LTBP1: variants seen among roughly 807,000 people sequenced by gnomAD.
LTBP1 encodes latent transforming growth factor beta binding protein 1, also known as latent-transforming growth factor beta-binding protein 1.
Under a neutral mutation model 207.6 loss-of-function variants are expected in LTBP1, and 129 were observed. That is an observed-to-expected ratio of 0.62 (90% confidence interval 0.54 to 0.72). The LOEUF is 0.72. Ranked by LOEUF, LTBP1 falls within the 30% of genes least tolerant of loss-of-function variation. The pLI, the probability that LTBP1 is intolerant of heterozygous loss-of-function variation, is 0.00. For synonymous variants in LTBP1, 963 were observed against 833.7 expected, an observed-to-expected ratio of 1.16 and a Z score of -2.67; for missense variants, 2,281 against 2,217.2, an observed-to-expected ratio of 1.03 and a Z score of -0.58.
At chr2:33,154,815 C>T (rs2083830034) in intron 5 of LTBP1, among the ~76,000 whole-genome samples, 1 of 152,162 alleles carries the variant, frequency 6.6e-6, no homozygotes. Context: ...ATAATCCTAG[C>T]ACTTTGGGAG....
intron 9 of LTBP1, among the ~76,000 whole-genome samples, chr2:33,241,153 G>A (rs2092309485): frequency 6.6e-6 from 1 of 151,730 alleles, no homozygotes; most frequent in African/African-American, 2.4e-5. Context: ...CAGTTTTTCT[G>A]GAAGCTGTGA....
At chr2:33,126,414 A>G (rs989004234) in intron 4 of LTBP1, among the ~76,000 whole-genome samples, 2 of 152,056 alleles carry the variant, frequency 1.3e-5, no homozygotes, top group Non-Finnish European at 2.9e-5. Context: ...CCAAGGGGAG[A>G]TTAGACTTTT....
chr2:33,391,488 G>A (rs1392847187), intron 32 of LTBP1, among the ~76,000 whole-genome samples: 3 of 152,134 alleles, frequency 2.0e-5, no homozygotes, highest in African/African-American at 7.2e-5. Flanking sequence ...AGAAAGCCCA[G>A]CTTGCCCCAT....
chr2:33,150,700 TTTTCTTTTTC>T (rs2083442742), intron 5 of LTBP1, among the ~76,000 whole-genome samples: 2 of 139,504 alleles, frequency 1.4e-5, no homozygotes, highest in African/African-American at 5.2e-5. Context: ...CTTTTTTCTT[TTTTCTTTTTC>T]TTTTTTTTTT....
chr2:33,105,457 G>A (rs1031003676), intron 3 of LTBP1, among the ~76,000 whole-genome samples: 4 of 146,814 alleles, frequency 2.7e-5, no homozygotes, highest in African/African-American at 1.0e-4. Context: ...TTTTTTTTGA[G>A]ACAGAGTCTC....
chr2:33,331,995 A>T (rs540021307), intron 24 of LTBP1, among the ~76,000 whole-genome samples: 4 of 152,274 alleles, frequency 2.6e-5, no homozygotes, highest in East Asian at 3.8e-4. Context: ...TATAATTTCA[A>T]GCAAAACACT....
chr2:33,072,465 A>C (rs1228927990), intron 3 of LTBP1, among the ~76,000 whole-genome samples: 3 of 152,086 alleles, frequency 2.0e-5, no homozygotes, highest in African/African-American at 7.2e-5. Flanking sequence ...CTGGGGCAGC[A>C]CCCCTGAAAC....
chr2:33,047,817 A>G (rs978455165), intron 3 of LTBP1, among the ~76,000 whole-genome samples: 10 of 152,224 alleles, frequency 6.6e-5, no homozygotes, highest in Middle Eastern at 3.4e-3. Flanking sequence ...GTGCATATAT[A>G]TTTAGGTTAG....
chr2:33,395,402 G>C (rs1246635822), intron 32 of LTBP1, among the ~76,000 whole-genome samples: 1 of 152,090 alleles, frequency 6.6e-6, no homozygotes, highest in Non-Finnish European at 1.5e-5. Context: ...AAGTTTACAA[G>C]GTACACATAG....
intron 2 of LTBP1, among the ~76,000 whole-genome samples, chr2:32,982,248 G>A (rs555073871): frequency 1.8e-4 from 28 of 152,292 alleles, no homozygotes; most frequent in African/African-American, 6.5e-4. Context: ...GAGACTGGTG[G>A]CATTTTGCTT....
At chr2:32,972,588 T>G (rs988287750) in intron 2 of LTBP1, among the ~76,000 whole-genome samples, 6 of 152,198 alleles carry the variant, frequency 3.9e-5, no homozygotes, top group African/African-American at 1.4e-4. Context: ...TGATATGGTT[T>G]AGCTCTGTGT....
intron 4 of LTBP1, among the ~76,000 whole-genome samples, chr2:33,120,274 T>C (rs914550056): frequency 6.6e-6 from 1 of 151,206 alleles, no homozygotes. Context: ...TTGTACAGAT[T>C]ATTTCATCAC....
intron 24 of LTBP1, among the ~76,000 whole-genome samples, chr2:33,341,170 C>A (rs2094614676): frequency 6.6e-6 from 1 of 151,888 alleles, no homozygotes; most frequent in Admixed American, 6.6e-5. Context: ...TGTGGCAGTG[C>A]CCAAGGAGAA....
chr2:33,129,962 A>G (rs976976020), intron 4 of LTBP1, among the ~76,000 whole-genome samples: 1 of 152,174 alleles, frequency 6.6e-6, no homozygotes, highest in African/African-American at 2.4e-5. Context: ...CTGGTGAAGT[A>G]ATAGATTTGA....
intron 2 of LTBP1, among the ~76,000 whole-genome samples, chr2:32,989,587 C>A (rs1240358727): frequency 1.3e-5 from 2 of 152,154 alleles, no homozygotes; most frequent in Non-Finnish European, 2.9e-5. Context: ...AGGAAAAGCC[C>A]AGGGACAGAG....
chr2:33,037,976 C>T (rs72791779), intron 3 of LTBP1, among the ~76,000 whole-genome samples: 15,104 of 152,216 alleles, frequency 0.099, 966 homozygotes, highest in Non-Finnish European at 0.14. Flanking sequence ...GCCTTGGCCT[C>T]CCAAGGTGCT....
At chr2:32,959,612 TATATATATA>T (rs1361802512) in intron 2 of LTBP1, among the ~76,000 whole-genome samples, 4 of 55,872 alleles carry the variant, frequency 7.2e-5, no homozygotes, top group Non-Finnish European at 1.1e-4. Context: ...TATATATATA[TATATATATA>T]TTTTTTTTTT....
At chr2:33,234,744 A>G (rs966989455) in intron 9 of LTBP1, among the ~76,000 whole-genome samples, 2 of 152,200 alleles carry the variant, frequency 1.3e-5, no homozygotes, top group Non-Finnish European at 1.5e-5. Flanking sequence ...ATGGAACCAA[A>G]AAAGAGCCCG....
chr2:33,072,345 C>T (rs445151), intron 3 of LTBP1, among the ~76,000 whole-genome samples: 100,599 of 152,042 alleles, frequency 0.66, 36,138 homozygotes, highest in East Asian at 0.98. Flanking sequence ...CCTCTTCGGC[C>T]TTTTATGGAG....
Sources: allele counts gnomAD v4.1 joint callset (sites outside exome capture counted in the v4.1 genomes callset), GRCh38; gene constraint gnomAD v4.1.1; transcripts MANE v1.5; gene names NCBI Gene and HGNC (gene_info 2026-07-23, HGNC 2026-07-21).